Variants in PRKCA observed in about 807,000 individuals in gnomAD.
PRKCA encodes the protein protein kinase C alpha.
Under a neutral mutation model 87.0 loss-of-function variants are expected in PRKCA, and 27 were observed. The observed-to-expected ratio is 0.31, with a 90% CI of 0.23 to 0.43. The LOEUF is 0.43. Among genes scored for constraint, PRKCA ranks in the 20% least tolerant of loss-of-function variants. The pLI, the probability that PRKCA is intolerant of heterozygous loss-of-function variation, is 1.00. For synonymous variants in PRKCA, 329 were observed against 311.1 expected (o/e 1.06, Z -0.61); for missense variants, 518 against 852.3 (o/e 0.61, Z 4.88).
At chr17:66,797,610 C>A (rs1975699036) in intron 16 of PRKCA, among the ~76,000 whole-genome samples, 2 of 152,318 alleles carry the variant, frequency 1.3e-5, no homozygotes, top group African/African-American at 4.8e-5. Flanking sequence ...GGTGGATGGT[C>A]ACATCACCAT....
At chr17:66,667,896 A>C (rs1972081023) in intron 5 of PRKCA, among the ~76,000 whole-genome samples, 1 of 152,222 alleles carries the variant, frequency 6.6e-6, no homozygotes, top group African/African-American at 2.4e-5. Context: ...TCTGAAATGC[A>C]ATCTCTCTTA....
chr17:66,582,492 T>G (rs61434500), intron 3 of PRKCA, among the ~76,000 whole-genome samples: 3,020 of 152,148 alleles, frequency 0.02, 113 homozygotes, highest in African/African-American at 0.068. Flanking sequence ...GAACTGATGG[T>G]TTTATAAATG....
chr17:66,765,742 C>T (rs889011651), intron 13 of PRKCA, among the ~76,000 whole-genome samples: 5 of 151,852 alleles, frequency 3.3e-5, no homozygotes, highest in Non-Finnish European at 7.4e-5. Flanking sequence ...GACAGTATAG[C>T]CAACATCCTA....
Position 66,391,899 on chromosome 17 carries a change from A to G in PRKCA, c.205+85772A>G, listed in dbSNP as rs191789462. Among the ~76,000 whole-genome samples the G allele has an allele frequency of 3.6e-3, 549 of 152,130 alleles. 6 individuals carry two copies. The highest frequency in any genetic ancestry group is 2.1e-3 in the Non-Finnish European group (143 of 68,002). On this transcript the variant is annotated intron_variant, in intron 2 of 16. Coordinates refer to ENST00000413366, the MANE Select transcript of PRKCA (RefSeq NM_002737.3). ...ATCGGAAAGTAGGCACCCCAACCCT[A>G]AATATTTCAGTCTTAGGAATAAGAT...
intron 3 of PRKCA, among the ~76,000 whole-genome samples, chr17:66,498,266 G>T (rs1916572157): frequency 6.6e-6 from 1 of 152,022 alleles, no homozygotes; most frequent in Non-Finnish European, 1.5e-5. Context: ...TTTCCAAAAA[G>T]CCAAGTCCCA....
intron 14 of PRKCA, chr17:66,775,380 A>G: frequency 1.0e-6 from 1 of 984,788 alleles, no homozygotes; most frequent in Non-Finnish European, 1.2e-6. Flanking sequence ...TAGAAATGGC[A>G]TGTATCACTT....
At chr17:66,368,813 C>A (rs574791822) in intron 2 of PRKCA, among the ~76,000 whole-genome samples, 85 of 152,266 alleles carry the variant, frequency 5.6e-4, no homozygotes, top group African/African-American at 2.0e-3. Context: ...TAAAGTACTG[C>A]AATTCATGTT....
chr17:66,603,240 C>T (rs1335399251), intron 3 of PRKCA, among the ~76,000 whole-genome samples: 1 of 152,138 alleles, frequency 6.6e-6, no homozygotes, highest in African/African-American at 2.4e-5. Flanking sequence ...GCTGTGCTTC[C>T]TTGGAATTCT....
At chr17:66,774,632 A>G (rs1221894401) in intron 14 of PRKCA, 2 of 987,630 alleles carry the variant, frequency 2.0e-6, no homozygotes, top group Non-Finnish European at 2.4e-6. Flanking sequence ...AAAGAAAAAA[A>G]TGTGCACGTT....
chr17:66,430,000 C>G (rs1425059859), intron 2 of PRKCA, among the ~76,000 whole-genome samples: 1 of 151,932 alleles, frequency 6.6e-6, no homozygotes, highest in Non-Finnish European at 1.5e-5. Context: ...CTGCACCCTT[C>G]AAGGACTCCT....
chr17:66,585,068 G>T (rs35625961), intron 3 of PRKCA, among the ~76,000 whole-genome samples: 8 of 150,642 alleles, frequency 5.3e-5, no homozygotes, highest in Admixed American at 2.0e-4. Flanking sequence ...GCATGGGGAG[G>T]GGGGGGTGGT....
intron 8 of PRKCA, among the ~76,000 whole-genome samples, chr17:66,697,356 C>G (rs72848634): frequency 2.0e-5 from 3 of 152,294 alleles, no homozygotes; most frequent in Middle Eastern, 3.4e-3. Context: ...TACCTATGGA[C>G]AAGAGTGTCT....
intron 13 of PRKCA, among the ~76,000 whole-genome samples, chr17:66,769,202 T>A (rs1974877595): frequency 1.3e-5 from 2 of 151,942 alleles, no homozygotes. Context: ...AAAAAATTGT[T>A]AAAAAATTAT....
At chr17:66,680,699 C>T (rs983005262) in intron 5 of PRKCA, among the ~76,000 whole-genome samples, 4 of 152,036 alleles carry the variant, frequency 2.6e-5, no homozygotes, top group African/African-American at 9.7e-5. Context: ...TGTATGTGCC[C>T]GTGGATGAAT....
intron 8 of PRKCA, among the ~76,000 whole-genome samples, chr17:66,712,706 A>G (rs1973363371): frequency 6.6e-6 from 1 of 152,156 alleles, no homozygotes; most frequent in African/African-American, 2.4e-5. Context: ...GAAGTGCCAC[A>G]CTGCCTGGGT....
chr17:66,424,568 A>AAACACACACAC (rs1555602396), intron 2 of PRKCA, among the ~76,000 whole-genome samples: 18 of 142,054 alleles, frequency 1.3e-4, no homozygotes, highest in South Asian at 7.1e-4. Context: ...CCCTGTCTCA[A>AAACACACACAC]ACACACACAC....
At chr17:66,382,839 AC>A (rs926947863) in intron 2 of PRKCA, among the ~76,000 whole-genome samples, 5 of 151,726 alleles carry the variant, frequency 3.3e-5, no homozygotes, top group Non-Finnish European at 5.9e-5. Flanking sequence ...CTGGACAGAC[AC>A]CCCCCCATTA....
chr17:66,367,321 G>A (rs765827050), intron 2 of PRKCA, among the ~76,000 whole-genome samples: 34 of 152,196 alleles, frequency 2.2e-4, no homozygotes, highest in Non-Finnish European at 2.5e-4. Flanking sequence ...CTAAGAAAAA[G>A]CCCCTGGTCA....
intron 16 of PRKCA, among the ~76,000 whole-genome samples, chr17:66,794,961 C>T (rs1475832673): frequency 2.0e-5 from 3 of 152,108 alleles, no homozygotes; most frequent in African/African-American, 4.8e-5. Context: ...CAGACATACA[C>T]ATCTGTTAGG....
Sources: gnomAD v4.1 joint callset for allele counts (sites outside exome capture counted in the v4.1 genomes callset) on GRCh38, gnomAD v4.1.1 for gene constraint, MANE v1.5 for transcripts, NCBI Gene and HGNC (gene_info 2026-07-23, HGNC 2026-07-21) for gene names.